ADAMTSL1: variants seen among roughly 807,000 people sequenced by gnomAD.
ADAMTSL1 encodes ADAMTS-like protein 1.
ADAMTSL1 carries 126 observed loss-of-function variants against 201.8 expected under a neutral mutation model. The observed-to-expected ratio is 0.62, with a 90% CI of 0.54 to 0.72. ADAMTSL1 has a LOEUF of 0.72. Among genes scored for constraint, ADAMTSL1 ranks in the 30% least tolerant of loss-of-function variants. The probability of loss-of-function intolerance (pLI) is 0.00; values close to 1 mark genes in which losing one functional copy is unlikely to be tolerated. For synonymous variants in ADAMTSL1, 1,121 were observed against 903.4 expected (o/e 1.24, Z -4.32); for missense variants, 2,679 against 2,277.8 (o/e 1.18, Z -3.59).
chr9:17,980,626 G>A (rs1332698039), intron 1 of ADAMTSL1, among the ~76,000 whole-genome samples: 2 of 151,994 alleles, frequency 1.3e-5, no homozygotes, highest in Non-Finnish European at 2.9e-5. Flanking sequence ...GTTTTTGGGG[G>A]GCAATTGGGT....
intron 23 of ADAMTSL1, among the ~76,000 whole-genome samples, chr9:18,836,847 A>AT (rs1348999255): frequency 6.6e-6 from 1 of 151,950 alleles, no homozygotes; most frequent in East Asian, 1.9e-4. Flanking sequence ...TAGATATTTT[A>AT]TTTTTGTGTA....
chr9:18,727,060 T>G (rs1817937533), intron 15 of ADAMTSL1, among the ~76,000 whole-genome samples: 1 of 152,210 alleles, frequency 6.6e-6, no homozygotes, highest in Admixed American at 6.5e-5. Context: ...AATGCCTATT[T>G]TATTATACAC....
intron 2 of ADAMTSL1, among the ~76,000 whole-genome samples, chr9:18,392,943 A>T (rs868643910): frequency 2.4e-4 from 36 of 152,270 alleles, no homozygotes; most frequent in African/African-American, 7.9e-4. Flanking sequence ...AGGTAAAAAG[A>T]TGCTTTACTT....
At chr9:18,568,448 T>C (rs1822078386) in intron 3 of ADAMTSL1, among the ~76,000 whole-genome samples, 2 of 152,224 alleles carry the variant, frequency 1.3e-5, no homozygotes, top group Admixed American at 6.5e-5. Flanking sequence ...TTTCTGGTTT[T>C]ACTGTCAGTA....
intron 2 of ADAMTSL1, among the ~76,000 whole-genome samples, chr9:18,191,398 G>A (rs1271565361): frequency 6.6e-6 from 1 of 152,134 alleles, no homozygotes; most frequent in Non-Finnish European, 1.5e-5. Context: ...AGAGGAAACT[G>A]GGAGACTGAT....
intron 2 of ADAMTSL1, among the ~76,000 whole-genome samples, chr9:18,233,005 G>A (rs1489500618): frequency 6.6e-6 from 1 of 152,152 alleles, no homozygotes; most frequent in Non-Finnish European, 1.5e-5. Context: ...AGTCAAAGGT[G>A]GAAGACATTG....
intron 16 of ADAMTSL1, among the ~76,000 whole-genome samples, chr9:18,760,392 T>C (rs1820007708): frequency 6.6e-6 from 1 of 152,190 alleles, no homozygotes; most frequent in Admixed American, 6.5e-5. Flanking sequence ...TATTGATGAT[T>C]CTTTACCACA....
chr9:18,482,445 C>G (rs1035628987), intron 1 of ADAMTSL1, among the ~76,000 whole-genome samples: 1 of 152,166 alleles, frequency 6.6e-6, no homozygotes, highest in Non-Finnish European at 1.5e-5. Flanking sequence ...CCAGCTAAAG[C>G]TTTGGGTATT....
intron 2 of ADAMTSL1, among the ~76,000 whole-genome samples, chr9:18,466,132 T>G (rs1820995778): frequency 6.6e-6 from 1 of 152,208 alleles, no homozygotes; most frequent in African/African-American, 2.4e-5. Flanking sequence ...CCCTTTATCC[T>G]TGGGACCCTG....
chr9:17,966,442 C>T (rs1817980605), intron 1 of ADAMTSL1, among the ~76,000 whole-genome samples: 1 of 152,148 alleles, frequency 6.6e-6, no homozygotes. Context: ...TCTTCATGTG[C>T]CGCATTCCGA....
Position 18,777,775 on chromosome 9 carries a change from C to T in ADAMTSL1, c.3546C>T (p.Val1182=), listed in dbSNP as rs1563793167. ...AGCAGCTCTCAGCCTCGGAGGTGGT[C>T]ACCCACCTGGGGCAGACGGTGGCCC... ...AAQQLSASEV[V]THLGQTVALA... The change falls in exon 19 of 29, where the codon GTC becomes GTT. Residue 1182 remains valine (V), a synonymous_variant. Transcript: ENST00000380548. 6.2e-7 allele frequency: 1 copy of T among 1,613,778 alleles called. No homozygotes were observed. The highest frequency in any genetic ancestry group is 8.5e-7 in the Non-Finnish European group (1 of 1,179,848).
chr9:18,159,276 A>T (rs926067691), intron 1 of ADAMTSL1, among the ~76,000 whole-genome samples: 8 of 152,060 alleles, frequency 5.3e-5, no homozygotes, highest in Non-Finnish European at 7.4e-5. Flanking sequence ...GGTTTTCAGC[A>T]CTACTCTTCC....
At chr9:18,206,517 T>G (rs906681044) in intron 2 of ADAMTSL1, among the ~76,000 whole-genome samples, 3 of 152,130 alleles carry the variant, frequency 2.0e-5, no homozygotes, top group Admixed American at 1.3e-4. Flanking sequence ...GTTACTATTA[T>G]AGTTTCTAAT....
chr9:18,500,454 G>A (rs183400900), intron 1 of ADAMTSL1, among the ~76,000 whole-genome samples: 3 of 152,306 alleles, frequency 2.0e-5, no homozygotes, highest in Non-Finnish European at 4.4e-5. Flanking sequence ...GAGTTGGGGG[G>A]TTGATTGCTG....
chr9:18,312,238 CT>C (rs1834185297), intron 2 of ADAMTSL1, among the ~76,000 whole-genome samples: 1 of 152,126 alleles, frequency 6.6e-6, no homozygotes, highest in African/African-American at 2.4e-5. Context: ...AGTTTATCAT[CT>C]AGAGGGCAAG....
At chr9:17,948,386 A>T (rs1162329324) in intron 1 of ADAMTSL1, among the ~76,000 whole-genome samples, 1 of 152,202 alleles carries the variant, frequency 6.6e-6, no homozygotes, top group Non-Finnish European at 1.5e-5. Flanking sequence ...TAGCAGCTTC[A>T]TGCCTTTCAC....
chr9:18,087,945 G>A (rs1823840741), intron 1 of ADAMTSL1, among the ~76,000 whole-genome samples: 2 of 151,984 alleles, frequency 1.3e-5, no homozygotes, highest in African/African-American at 2.4e-5. Flanking sequence ...ATATCTTTGG[G>A]CCCTCTAACT....
chr9:18,816,150 C>T (rs949309429), intron 20 of ADAMTSL1, among the ~76,000 whole-genome samples: 4 of 152,230 alleles, frequency 2.6e-5, no homozygotes, highest in Non-Finnish European at 5.9e-5. Context: ...TCCCCGCTCC[C>T]TTCCCCAGTC....
intron 2 of ADAMTSL1, among the ~76,000 whole-genome samples, chr9:18,357,085 C>A (rs902057945): frequency 1.3e-5 from 2 of 152,130 alleles, no homozygotes. Context: ...CACATATCAG[C>A]CATACTGGGA....
Sources: allele counts gnomAD v4.1 joint callset (sites outside exome capture counted in the v4.1 genomes callset), GRCh38; gene constraint gnomAD v4.1.1; transcripts MANE v1.5; gene names NCBI Gene and HGNC (gene_info 2026-07-23, HGNC 2026-07-21).